The following LRRN2 variants were observed in gnomAD, a reference collection of about 807,000 sequenced individuals.
LRRN2 encodes the protein leucine rich repeat neuronal 2.
In LRRN2, 10 loss-of-function variants were observed where a neutral mutation model predicts 35.7. That is an observed-to-expected ratio of 0.28 (90% confidence interval 0.17 to 0.47). LRRN2 has a LOEUF of 0.47. LRRN2 is among the 20% of genes least tolerant of loss of function. The probability of loss-of-function intolerance (pLI) is 0.99; values close to 1 mark genes in which losing one functional copy is unlikely to be tolerated. For synonymous variants in LRRN2, 391 were observed against 409.6 expected, an observed-to-expected ratio of 0.95 and a Z score of 0.55; for missense variants, 731 against 940.3, an observed-to-expected ratio of 0.78 and a Z score of 2.91.
intron 1 of LRRN2, among the ~76,000 whole-genome samples, chr1:204,632,458 C>T (rs948702097): frequency 1.1e-4 from 17 of 151,130 alleles, no homozygotes; most frequent in Admixed American, 7.3e-4. Flanking sequence ...GGTGAAACCC[C>T]GACTCAATTA....
At chr1:204,626,943 T>TTTTTTC (rs1464883607) in intron 1 of LRRN2, 1 of 143,702 alleles carries the variant, frequency 7.0e-6, no homozygotes, top group Non-Finnish European at 1.5e-5. Flanking sequence ...AGGCTTTTTC[T>TTTTTTC]TTTTTCTTTT....
At chr1:204,647,661 G>C (rs1438808202) in intron 1 of LRRN2, among the ~76,000 whole-genome samples, 1 of 152,194 alleles carries the variant, frequency 6.6e-6, no homozygotes, top group Non-Finnish European at 1.5e-5. Context: ...GGAAGTGAAA[G>C]AGAAGCAAAG....
intron 1 of LRRN2, among the ~76,000 whole-genome samples, chr1:204,663,138 A>G (rs190816160): frequency 2.1e-4 from 32 of 152,230 alleles, no homozygotes; most frequent in African/African-American, 6.5e-4. Context: ...ACTGATGCCA[A>G]TGGCACCAAG....
At chr1:204,671,681 C>T (rs1457233147) in intron 1 of LRRN2, among the ~76,000 whole-genome samples, 1 of 136,888 alleles carries the variant, frequency 7.3e-6, no homozygotes, top group Non-Finnish European at 1.5e-5. Flanking sequence ...GCAAAGGTGC[C>T]AATGGAGCAA....
chr1:204,639,062 G>A (rs1449288407), intron 1 of LRRN2, among the ~76,000 whole-genome samples: 1 of 152,356 alleles, frequency 6.6e-6, no homozygotes, highest in South Asian at 2.1e-4. Context: ...GCTCTGGAGA[G>A]GGCGATAGGC....
In LRRN2 at chr1:204,618,767, C is replaced by A; in HGVS notation, c.1226G>T (p.Arg409Leu). 1 of 1,613,102 alleles carries A rather than the reference C, an allele frequency of 6.2e-7. No individual in the cohort carries two copies. The highest frequency in any genetic ancestry group is 1.1e-5 in the South Asian group (1 of 90,992). Residue 409 changes from arginine to leucine, a missense_variant, in exon 2 of 2, where the codon CGT becomes CTT. This residue lies in a region of LRRN2 where 256 missense variants were observed against 392.4 expected (regional missense o/e 0.65). Transcript: ENST00000367177. Reference sequence around the variant, plus strand: ...CGTCATCTCCCGGAAGGGCACCTCACGGACCGGGAGGCGCTGGAGGTCCGG... The same window carrying A: ...CGTCATCTCCCGGAAGGGCACCTCAAGGACCGGGAGGCGCTGGAGGTCCGG... Reference protein sequence around the residue: ...EPPDLQRLPVREVPFREMTDH... With the variant: ...EPPDLQRLPVLEVPFREMTDH...
intron 1 of LRRN2, among the ~76,000 whole-genome samples, chr1:204,681,682 T>G (rs1351418261): frequency 6.6e-6 from 1 of 152,182 alleles, no homozygotes; most frequent in African/African-American, 2.4e-5. Flanking sequence ...AAAAGATGGG[T>G]TGACTGAATA....
intron 1 of LRRN2, among the ~76,000 whole-genome samples, chr1:204,636,925 C>T (rs1418782852): frequency 6.6e-6 from 1 of 152,038 alleles, no homozygotes. Context: ...AAATTGAACC[C>T]CATAGCTGTT....
intron 1 of LRRN2, among the ~76,000 whole-genome samples, chr1:204,655,741 G>T (rs1668337695): frequency 6.6e-6 from 1 of 152,152 alleles, no homozygotes; most frequent in Non-Finnish European, 1.5e-5. Context: ...TCCTGAGGGA[G>T]ATCTGTACCT....
intron 1 of LRRN2, among the ~76,000 whole-genome samples, chr1:204,632,628 CAAAAA>C (rs10719120): frequency 3.8e-5 from 4 of 104,548 alleles, no homozygotes; most frequent in South Asian, 6.7e-4. Flanking sequence ...GACTCTGTCT[CAAAAA>C]AAAAAAAAAA....
chr1:204,660,217 AGCTCCACCCTCG>A (rs1355314999), intron 1 of LRRN2, among the ~76,000 whole-genome samples: 4 of 526 alleles, frequency 7.6e-3, no homozygotes, highest in African/African-American at 0.026. Context: ...TTCTCCTTCC[AGCTCCACCCTCG>A]TTTCTCCTTC....
intron 1 of LRRN2, among the ~76,000 whole-genome samples, chr1:204,668,393 G>C (rs908246611): frequency 2.0e-5 from 3 of 152,168 alleles, no homozygotes; most frequent in African/African-American, 7.2e-5. Flanking sequence ...ACAGGAGTTC[G>C]AGACCAGCCT....
At chr1:204,638,168 A>G (rs978963672) in intron 1 of LRRN2, among the ~76,000 whole-genome samples, 8 of 138,958 alleles carry the variant, frequency 5.8e-5, no homozygotes, top group Non-Finnish European at 1.1e-4. Context: ...TGGGGAATAT[A>G]ATCACCAGCA....
rs115020673 is a variant in LRRN2, at chr1:204,646,085, A to C, written c.-226-25867T>G. On this transcript the variant is annotated intron_variant, in intron 1 of 1. Transcript: ENST00000367177. ...ATACCTGGCCAAAGTCTCAACCCCC[A>C]AAAAATGGGAGGGGGACCGGAGGAA... 1.3e-3 allele frequency among the ~76,000 whole-genome samples: 204 copies of C among 152,226 alleles called. 1 individual carries two copies. The highest frequency in any genetic ancestry group is 4.2e-3 in the African/African-American group (174 of 41,546).
At chr1:204,625,647 C>T (rs537115616) in intron 1 of LRRN2, among the ~76,000 whole-genome samples, 2 of 152,142 alleles carry the variant, frequency 1.3e-5, no homozygotes, top group Admixed American at 6.5e-5. Flanking sequence ...ACCACGGTCC[C>T]GACTTCTATC....
intron 1 of LRRN2, chr1:204,664,269 A>G (rs2772234): frequency 0.24 from 36,574 of 152,394 alleles, 4,802 homozygotes; most frequent in Non-Finnish European, 0.3. Flanking sequence ...AGCTTCAACC[A>G]GTCCTCTCTG....
rs55768653 is a variant in LRRN2 at position 204,678,706 on chromosome 1, C to T, written c.-227+6614G>A. 8.2e-3 allele frequency among the ~76,000 whole-genome samples: 1,247 copies of T among 152,244 alleles called. 24 individuals are homozygous for T. The highest frequency in any genetic ancestry group is 0.029 in the African/African-American group (1,215 of 41,524). On this transcript the variant is annotated intron_variant, in intron 1 of 1. Coordinates refer to ENST00000367177, the MANE Select transcript of LRRN2 (RefSeq NM_201630.2). ...CCTGCTGTCCCCTCTGCCCAGCTTG[C>T]CCCGACTGTGGTGCCACCCCCTCAT...
At position 204,619,938 on chromosome 1, in the gene LRRN2, C is replaced by T. The variant is rs36012907; in HGVS notation, c.55G>A (p.Ala19Thr). The change falls in exon 2 of 2, where the codon GCT becomes ACT. Residue 19 changes from alanine to threonine, a missense_variant. Transcript: ENST00000367177. ...LLAWVAGATA[A>T]VPVVPWHVPC... Reference sequence around the variant, plus strand: ...ACATGCCAGGGTACCACGGGCACAGCGGCAGTGGCACCAGCCACCCAAGCT... The same window carrying T: ...ACATGCCAGGGTACCACGGGCACAGTGGCAGTGGCACCAGCCACCCAAGCT... The T allele has an allele frequency of 0.086, 138,639 of 1,613,024 alleles. 6,853 individuals carry two copies. Among genetic ancestry groups the T allele is most frequent in the Non-Finnish European group, 0.1 (120,291 of 1,179,734 alleles).
At chr1:204,671,704 G>C (rs1668718260) in intron 1 of LRRN2, among the ~76,000 whole-genome samples, 1 of 120,570 alleles carries the variant, frequency 8.3e-6, no homozygotes, top group African/African-American at 3.1e-5. Flanking sequence ...TTCCCAAAGA[G>C]ATTAAAGAGT....
Sources: gnomAD v4.1 joint callset for allele counts (sites outside exome capture counted in the v4.1 genomes callset) on GRCh38, gnomAD v4.1.1 for gene constraint, gnomAD v4.1.1 regional missense constraint, MANE v1.5 for transcripts, NCBI Gene and HGNC (gene_info 2026-07-23, HGNC 2026-07-21) for gene names.